The following OCRL variants were observed in gnomAD, a reference collection of about 807,000 sequenced individuals.
OCRL encodes inositol polyphosphate 5-phosphatase OCRL.
OCRL carries 8 observed loss-of-function variants against 78.9 expected under a neutral mutation model. The ratio of observed to expected loss-of-function variants is 0.10; its 90% CI spans 0.06 to 0.18. OCRL has a LOEUF of 0.18. OCRL is among the 10% of genes least tolerant of loss of function. The pLI is 1.00. For missense variants in OCRL, 454 were observed against 696.7 expected, an observed-to-expected ratio of 0.65 and a Z score of 3.92; for synonymous variants, 240 against 235.4, an observed-to-expected ratio of 1.02 and a Z score of -0.18.
At chrX:129,547,382 G>A (rs754523779) in intron 3 of OCRL, among the ~76,000 whole-genome samples, 7 of 108,835 alleles carry the variant, frequency 6.4e-5, no homozygotes, top group South Asian at 4.1e-4. Flanking sequence ...AAAATTAGCC[G>A]GGCATGGTGG....
chrX:129,551,597 G>A (rs781235395), intron 4 of OCRL, among the ~76,000 whole-genome samples: 15 of 111,475 alleles, frequency 1.3e-4, no homozygotes, highest in Non-Finnish European at 2.3e-4. Flanking sequence ...ACCATGCCTG[G>A]CTAATTTTTT....
intron 18 of OCRL, among the ~76,000 whole-genome samples, chrX:129,579,228 A>G (rs1936410574): frequency 8.9e-6 from 1 of 111,794 alleles, no homozygotes; most frequent in African/African-American, 3.2e-5. Flanking sequence ...GGAGCAGTAA[A>G]CAAGAAATCT....
intron 15 of OCRL, among the ~76,000 whole-genome samples, chrX:129,572,156 C>T (rs1028212172): frequency 8.9e-6 from 1 of 112,007 alleles, no homozygotes; most frequent in African/African-American, 3.3e-5. Flanking sequence ...AGTTCTAGAC[C>T]TTTGTATATG....
At position 129,592,127 on chromosome X, in the gene OCRL, T is replaced by A. The variant is rs966900996; in HGVS notation, c.*1857T>A. 1 of 113,709 alleles carries A rather than the reference T, an allele frequency of 8.8e-6. No individual in the cohort carries two copies. Among genetic ancestry groups the A allele is most frequent in the Non-Finnish European group, 1.9e-5 (1 of 53,267 alleles). 9.4% of individuals were successfully genotyped at this position (113,709 alleles called of 1,213,427 possible). On this transcript the variant is annotated 3_prime_UTR_variant, in exon 24 of 24. Coordinates refer to ENST00000371113, the MANE Select transcript of OCRL (RefSeq NM_000276.4). ...CTAAGTTGGTGTACTGCCTCGACCTTTTTTCAGCTCATCCTGGAACATATA... is the reference window on the plus strand; with the variant it reads ...CTAAGTTGGTGTACTGCCTCGACCTATTTTCAGCTCATCCTGGAACATATA...
intron 18 of OCRL, among the ~76,000 whole-genome samples, chrX:129,578,532 A>G (rs1936401109): frequency 9.2e-6 from 1 of 109,009 alleles, no homozygotes; most frequent in Non-Finnish European, 1.9e-5. Context: ...TTTTAGTCAG[A>G]GTCAGTGAAG....
chrX:129,560,675 CT>C lies in OCRL; in HGVS notation c.824+28del, dbSNP rs779939615. ...GGGTAAAGAACACTTCTGGAATTTC[CT>C]TTTGGCTATATGTTTGGTGTTCATT... On this transcript the variant is annotated intron_variant, in intron 9 of 23. Transcript: ENST00000371113. 10 of 1,037,411 alleles carry C rather than the reference CT, an allele frequency of 9.6e-6. No individual in the cohort carries two copies. In the African/African-American group the frequency reaches 1.5e-4, roughly 15 times the overall value. 85.5% of individuals were successfully genotyped at this position (1,037,411 alleles called of 1,213,427 possible).
chrX:129,568,440 A>G (rs1936252336), intron 14 of OCRL, among the ~76,000 whole-genome samples: 1 of 111,764 alleles, frequency 8.9e-6, no homozygotes, highest in Admixed American at 9.5e-5. Context: ...GAGTACTGGC[A>G]TGGGTGGGGA....
At chrX:129,545,276 A>T (rs1375923949) in intron 3 of OCRL, among the ~76,000 whole-genome samples, 1 of 112,111 alleles carries the variant, frequency 8.9e-6, no homozygotes, top group East Asian at 2.8e-4. Context: ...TGGGTTAGAG[A>T]TGTATGTAGA....
intron 8 of OCRL, among the ~76,000 whole-genome samples, chrX:129,560,244 A>G (rs1438586002): frequency 8.9e-6 from 1 of 112,188 alleles, no homozygotes; most frequent in Non-Finnish European, 1.9e-5. Flanking sequence ...AAGCTCTCCT[A>G]TCAAGTATGA....
intron 4 of OCRL, among the ~76,000 whole-genome samples, chrX:129,550,730 G>GT (rs1413021677): frequency 9.0e-6 from 1 of 110,691 alleles, no homozygotes; most frequent in African/African-American, 3.3e-5. Context: ...TTTTCATTTT[G>GT]TTTTTTCATT....
intron 2 of OCRL, among the ~76,000 whole-genome samples, chrX:129,541,198 T>C (rs1935794613): frequency 8.9e-6 from 1 of 112,532 alleles, no homozygotes; most frequent in South Asian, 3.7e-4. Context: ...TTTGGAATTA[T>C]AACTGGGGGA....
intron 4 of OCRL, among the ~76,000 whole-genome samples, chrX:129,557,048 A>G (rs977451201): frequency 9.0e-6 from 1 of 111,445 alleles, no homozygotes; most frequent in African/African-American, 3.3e-5. Context: ...GCAGGAAAGT[A>G]TAATTTTAGT....
intron 17 of OCRL, 109 bp from the exon 18 acceptor site, chrX:129,576,208 C>CATTGCTTAATG (rs1328574217): frequency 1.1e-6 from 1 of 915,790 alleles, no homozygotes; most frequent in Non-Finnish European, 1.6e-6. Context: ...TCTTCCCCCT[C>CATTGCTTAATG]ATTGCTTAAT....
At chrX:129,564,784 A>G (rs1274464561) in intron 12 of OCRL, among the ~76,000 whole-genome samples, 1 of 110,628 alleles carries the variant, frequency 9.0e-6, no homozygotes, top group Admixed American at 9.6e-5. Context: ...TGACGAGTTA[A>G]TGGGTGCAGC....
At chrX:129,584,840 C>G (rs913434494) in intron 19 of OCRL, among the ~76,000 whole-genome samples, 10 of 112,044 alleles carry the variant, frequency 8.9e-5, no homozygotes, top group African/African-American at 3.2e-4. Flanking sequence ...TGGACCTGAA[C>G]AAGATCATAA....
In OCRL at chrX:129,558,635, C is replaced by A; in HGVS notation, c.442C>A (p.Leu148Ile). The change falls in exon 7 of 24, where the codon CTT becomes ATT. Residue 148 changes from leucine (L) to isoleucine (I), a missense_variant and splice_region_variant. Physicochemically the swap from Leu to Ile is conservative, Grantham distance 5. Transcript: ENST00000371113. ...ACTTTGGGGTCTGTGTCTTTCAGGG[C>A]TTCTTGGATTTGAAGACAATTTTTC... ...TKDKPSVFSG[L>I]LGFEDNFSSM... The A allele has an allele frequency of 8.3e-7, 1 of 1,211,188 alleles. No homozygotes were observed. The highest frequency in any genetic ancestry group is 1.1e-6 in the Non-Finnish European group (1 of 895,126).
intron 21 of OCRL, 62 bp downstream of exon 21, chrX:129,588,325 C>T: frequency 1.3e-6 from 1 of 799,225 alleles, no homozygotes; most frequent in Non-Finnish European, 1.9e-6. Context: ...CTTCTTCGCA[C>T]CTATATTTGA....
intron 10 of OCRL, among the ~76,000 whole-genome samples, chrX:129,562,029 A>G (rs757732674): frequency 5.3e-5 from 6 of 112,221 alleles, no homozygotes; most frequent in Non-Finnish European, 5.6e-5. Context: ...AGAAAATTAG[A>G]CATCAGAAAC....
chrX:129,569,716 A>T (rs1936271710), intron 15 of OCRL, among the ~76,000 whole-genome samples: 1 of 111,063 alleles, frequency 9.0e-6, no homozygotes, highest in African/African-American at 3.3e-5. Context: ...GAAGGGAAAC[A>T]CCAGGAGGGA....
Sources: allele counts gnomAD v4.1 joint callset (sites outside exome capture counted in the v4.1 genomes callset), GRCh38; gene constraint gnomAD v4.1.1; transcripts MANE v1.5; gene names NCBI Gene and HGNC (gene_info 2026-07-23, HGNC 2026-07-21).